ZNF529: variants seen among roughly 807,000 people sequenced by gnomAD.
The protein encoded by ZNF529 is zinc finger protein 529.
Under a neutral mutation model 10.1 loss-of-function variants are expected in ZNF529, and 11 were observed. The ratio of observed to expected loss-of-function variants is 1.09; its 90% CI spans 0.69 to 1.81. The LOEUF (loss-of-function observed/expected upper bound fraction) is 1.81. Ranked by LOEUF, ZNF529 falls within the 40% of genes most tolerant of loss-of-function variation. The probability of loss-of-function intolerance (pLI) is 0.00; values close to 1 mark genes in which losing one functional copy is unlikely to be tolerated. For missense variants in ZNF529, 624 were observed against 666.8 expected, an observed-to-expected ratio of 0.94 and a Z score of 0.71; for synonymous variants, 204 against 215.7, an observed-to-expected ratio of 0.95 and a Z score of 0.47.
At chr19:36,594,085 T>C (rs901299460) in intron 1 of ZNF529, 3 of 152,128 alleles carry the variant, frequency 2.0e-5, no homozygotes, top group Non-Finnish European at 2.9e-5. Context: ...GACCTGGACC[T>C]AAAATTAAGC....
At chr19:36,557,556 C>A (rs528851455) in intron 2 of ZNF529, among the ~76,000 whole-genome samples, 1 of 152,144 alleles carries the variant, frequency 6.6e-6, no homozygotes, top group African/African-American at 2.4e-5. Flanking sequence ...ATGGGGGAAA[C>A]CACCCCCATG....
At chr19:36,587,410 T>A (rs1464209404) in intron 2 of ZNF529, 1 of 152,192 alleles carries the variant, frequency 6.6e-6, no homozygotes, top group Admixed American at 6.5e-5. Flanking sequence ...ACCCTGCTAG[T>A]GGGAATGTAA....
In ZNF529 at chr19:36,548,012, A is replaced by C; in HGVS notation, c.546T>G (p.Cys182Trp). 1 of 1,613,804 alleles carries C rather than the reference A, an allele frequency of 6.2e-7. No homozygotes were observed. The highest frequency in any genetic ancestry group is 8.5e-7 in the Non-Finnish European group (1 of 1,179,824). The change falls in exon 5 of 5, where the codon TGT becomes TGG. Residue 182 changes from cysteine to tryptophan, a missense_variant. Cys to Trp is a radical substitution (Grantham distance 215). Transcript: ENST00000591340. The part of the protein sequence containing the change: ...EYKEYEKVFS[C>W]DLEFDEYQKI... ...TCTGATATTCATCAAACTCTAAGTC[A>C]CAACTGAAGACCTTCTCATATTCCT... is the stretch of plus-strand genomic sequence containing the variant.
intron 3 of ZNF529, 80 bp from the exon 4 acceptor site, chr19:36,554,876 G>C (rs2035406401): frequency 7.5e-7 from 1 of 1,330,766 alleles, no homozygotes; most frequent in Non-Finnish European, 9.9e-7. Flanking sequence ...TTGCCTTATA[G>C]CAAGGGGATT....
chr19:36,603,390 G>GT (rs778479144), intron 1 of ZNF529, among the ~76,000 whole-genome samples: 5 of 152,272 alleles, frequency 3.3e-5, no homozygotes, highest in Non-Finnish European at 5.9e-5. Context: ...AATGTCATCA[G>GT]TAACTGGGAA....
Position 36,572,316 on chromosome 19 carries a change from C to A in ZNF529, c.14+17G>T, listed in dbSNP as rs1295237480. ...AAAACCAAGGGACCAGGTAAATGAA[C>A]AAAAAAAAAAACTAACCTTGAGTTG... On this transcript the variant is annotated intron_variant, in intron 2 of 4. Transcript: ENST00000591340. The A allele has an allele frequency of 3.1e-5, 44 of 1,407,162 alleles. No individual in the cohort carries two copies. Among genetic ancestry groups the A allele is most frequent in the African/African-American group, 1.5e-5 (1 of 68,896 alleles). The allele number at this position is 1,407,162 out of a possible 1,614,324, so 87.2% of individuals were successfully genotyped here.
chr19:36,588,590 T>C (rs2036633287), intron 2 of ZNF529, among the ~76,000 whole-genome samples: 1 of 152,122 alleles, frequency 6.6e-6, no homozygotes, highest in South Asian at 2.1e-4. Context: ...CTCAGGAACA[T>C]ACTGATGACC....
rs1369123459 is a variant in ZNF529, at chr19:36,554,718, A to G, written c.187T>C (p.Leu63=). The G allele has an allele frequency of 1.9e-6, 3 of 1,576,698 alleles. No individual in the cohort carries two copies. The highest frequency in any genetic ancestry group is 4.6e-5 in the East Asian group (2 of 43,340). Residue 63 remains leucine (L), a synonymous_variant, in exon 4 of 5, where the codon TTG becomes CTG. Transcript: ENST00000591340. ...TTCTCCATCATCACATCCCAGTACA[A>G]GTTCCTCTGAGCAGAATCCAGATAT... The part of the protein sequence containing the change: ...WEYLDSAQRN[L]YWDVMMENYS...
At chr19:36,600,775 C>G (rs1380086093) in intron 1 of ZNF529, among the ~76,000 whole-genome samples, 2 of 152,180 alleles carry the variant, frequency 1.3e-5, no homozygotes, top group Admixed American at 1.3e-4. Flanking sequence ...TATCCCTGTT[C>G]TAGACAGAGC....
chr19:36,560,035 G>A (rs542461209), intron 2 of ZNF529, among the ~76,000 whole-genome samples: 2 of 152,000 alleles, frequency 1.3e-5, no homozygotes, highest in African/African-American at 4.8e-5. Context: ...GAGGCGGGAG[G>A]ATCCCCTGAG....
intron 1 of ZNF529, chr19:36,594,151 T>G (rs2036788895): frequency 6.6e-6 from 1 of 152,142 alleles, no homozygotes; most frequent in Non-Finnish European, 1.5e-5. Context: ...CATTTTACTT[T>G]CTAGGGTTGC....
intron 2 of ZNF529, 117 bp downstream of exon 2, chr19:36,572,216 G>A (rs2036144533): frequency 9.5e-7 from 1 of 1,052,106 alleles, no homozygotes; most frequent in South Asian, 1.5e-5. Context: ...TTCAATGAAA[G>A]GGAAATGGGC....
chr19:36,574,687 C>CT (rs1451150522), upstream of ZNF529: 1 of 378,612 alleles, frequency 2.6e-6, no homozygotes, highest in Non-Finnish European at 5.3e-6. Context: ...CATATTTCTC[C>CT]TTTAGTTTAC....
chr19:36,553,662 G>A (rs980082159), intron 4 of ZNF529, among the ~76,000 whole-genome samples: 4 of 152,106 alleles, frequency 2.6e-5, no homozygotes, highest in East Asian at 1.9e-4. Flanking sequence ...TTCTTTTAAC[G>A]ATTATAACAA....
At chr19:36,573,886 C>T (rs1404061526), upstream of ZNF529, among the ~76,000 whole-genome samples, 1 of 152,170 alleles carries the variant, frequency 6.6e-6, no homozygotes, top group Non-Finnish European at 1.5e-5. Flanking sequence ...GTGGGGGCCT[C>T]AGGATGTGAC....
chr19:36,564,586 G>A (rs1270101451), intron 2 of ZNF529, among the ~76,000 whole-genome samples: 1 of 152,154 alleles, frequency 6.6e-6, no homozygotes, highest in African/African-American at 2.4e-5. Flanking sequence ...TTGTTAAATA[G>A]TCAAAAGTAA....
intron 2 of ZNF529, among the ~76,000 whole-genome samples, chr19:36,559,659 A>T (rs2035608606): frequency 6.6e-6 from 1 of 152,310 alleles, no homozygotes; most frequent in South Asian, 2.1e-4. Context: ...TGCATTATTC[A>T]TAATAACCAA....
At chr19:36,570,360 CAAAAAAAAAAAAA>C (rs58429405) in intron 2 of ZNF529, among the ~76,000 whole-genome samples, 2 of 70,586 alleles carry the variant, frequency 2.8e-5, no homozygotes, top group African/African-American at 1.1e-4. Flanking sequence ...GACCCTATCT[CAAAAAAAAAAAAA>C]AAAAAAAAGA....
chr19:36,548,408 T>C lies in ZNF529; in HGVS notation c.236-86A>G. 4 of 1,272,486 alleles carry C rather than the reference T, an allele frequency of 3.1e-6. No homozygotes were observed. The South Asian group carries it at 4.8e-5, about 15-fold the overall frequency. 78.8% of individuals were successfully genotyped at this position (1,272,486 alleles called of 1,614,324 possible). ...GAGACAATTTAAGAATAATTCACCA[T>C]ATACATGAATTGGTTAAAATACTGT... On this transcript the variant is annotated intron_variant, in intron 4 of 4. Transcript: ENST00000591340.
Sources: allele counts gnomAD v4.1 joint callset (sites outside exome capture counted in the v4.1 genomes callset), GRCh38; gene constraint gnomAD v4.1.1; transcripts MANE v1.5; gene names NCBI Gene and HGNC (gene_info 2026-07-23, HGNC 2026-07-21).